Variants in LRRC8D observed in about 807,000 individuals in gnomAD.
LRRC8D encodes volume-regulated anion channel subunit LRRC8D.
Under a neutral mutation model 55.8 loss-of-function variants are expected in LRRC8D, and 20 were observed. The ratio of observed to expected loss-of-function variants is 0.36; its 90% CI spans 0.25 to 0.52. LRRC8D has a LOEUF of 0.52. Ranked by LOEUF, LRRC8D falls within the 20% of genes least tolerant of loss-of-function variation. The pLI is 0.93. For synonymous variants in LRRC8D, 352 were observed against 377.0 expected (o/e 0.93, Z 0.77); for missense variants, 651 against 1,030.8 (o/e 0.63, Z 5.05).
At chr1:89,884,704 T>G (rs976704178) in intron 2 of LRRC8D, among the ~76,000 whole-genome samples, 1 of 152,176 alleles carries the variant, frequency 6.6e-6, no homozygotes, top group African/African-American at 2.4e-5. Context: ...GAATTATAAT[T>G]CCTCTCAGAC....
chr1:89,933,991 A>G lies in LRRC8D; in HGVS notation c.923A>G (p.Tyr308Cys), dbSNP rs917494992. 2 of 1,614,164 alleles carry G rather than the reference A, an allele frequency of 1.2e-6. No individual in the cohort carries two copies. Among genetic ancestry groups the G allele is most frequent in the Non-Finnish European group, 1.7e-6 (2 of 1,180,022 alleles). The stretch of plus-strand genomic sequence containing the variant: ...GATAGTGACTTGATCTATAAACTCT[A>G]TGTGGTCCAAACAGTTATCAAAACA... ...VEDSDLIYKL[Y>C]VVQTVIKTAK... Residue 308 changes from tyrosine to cysteine, a missense_variant, in exon 3 of 3, where the codon TAT (tyrosine) becomes TGT (cysteine). By Grantham distance (194) the Tyr-to-Cys change is radical (BLOSUM62 -2). Transcript: ENST00000337338. The surrounding 1 kb of genome is among the most constrained non-coding windows in gnomAD (Gnocchi z 7.0).
chr1:89,832,455 A>G (rs1232093207), intron 1 of LRRC8D, among the ~76,000 whole-genome samples: 1 of 152,170 alleles, frequency 6.6e-6, no homozygotes, highest in Non-Finnish European at 1.5e-5. Flanking sequence ...GTCTTTCTAG[A>G]CTGGAATAAC....
At chr1:89,850,113 T>C (rs1367791347) in intron 2 of LRRC8D, among the ~76,000 whole-genome samples, 1 of 152,218 alleles carries the variant, frequency 6.6e-6, no homozygotes, top group African/African-American at 2.4e-5. Context: ...GTGAGCCAGT[T>C]TTCCCAGCAC....
rs1181859656 is a variant in LRRC8D, at chr1:89,860,756, C to CAAAA, written c.-3+17001_-3+17004dup. Among the ~76,000 whole-genome samples the CAAAA allele has an allele frequency of 2.3e-3, 44 of 18,838 alleles. 11 individuals are homozygous for CAAAA. Among genetic ancestry groups the CAAAA allele is most frequent in the African/African-American group, 7.5e-3 (32 of 4,294 alleles). The allele number at this position is 18,838 out of a possible 152,430, so 12.4% of individuals were successfully genotyped here. A position where few individuals can be genotyped will look rare whatever the true frequency, so the allele number is the denominator to read the frequency against. ...CTGGCAACAGAGCAAGACTCTATCT[C>CAAAA]AAAAAAAAAAAAAAAAAAAAAAAAA... On this transcript the variant is annotated intron_variant, in intron 2 of 2. Transcript: ENST00000337338.
At chr1:89,910,276 G>A (rs1213577089) in intron 2 of LRRC8D, among the ~76,000 whole-genome samples, 1 of 152,170 alleles carries the variant, frequency 6.6e-6, no homozygotes, top group Non-Finnish European at 1.5e-5. Context: ...TCTCCATTCT[G>A]CCATTTCCTT....
chr1:89,830,942 G>A (rs1660871168), intron 1 of LRRC8D, among the ~76,000 whole-genome samples: 1 of 135,102 alleles, frequency 7.4e-6, no homozygotes, highest in African/African-American at 2.8e-5. Flanking sequence ...GTCTCACTCT[G>A]TGGCCCAGGC....
intron 2 of LRRC8D, among the ~76,000 whole-genome samples, chr1:89,901,539 T>C (rs1024667550): frequency 1.3e-5 from 2 of 152,174 alleles, no homozygotes; most frequent in Non-Finnish European, 2.9e-5. Flanking sequence ...TCCTTCATAC[T>C]TCCCTTTCCA....
intron 2 of LRRC8D, among the ~76,000 whole-genome samples, chr1:89,889,892 CAT>C (rs1662520280): frequency 6.9e-6 from 1 of 144,752 alleles, no homozygotes; most frequent in South Asian, 2.2e-4. Flanking sequence ...GAAAAAAAAA[CAT>C]AAAATAAAAT....
chr1:89,878,398 A>G (rs1489135271), intron 2 of LRRC8D, among the ~76,000 whole-genome samples: 1 of 152,244 alleles, frequency 6.6e-6, no homozygotes, highest in Non-Finnish European at 1.5e-5. Flanking sequence ...ACATAATATG[A>G]GAAGAAAGCC....
At chr1:89,831,517 A>T (rs1373703324) in intron 1 of LRRC8D, among the ~76,000 whole-genome samples, 2 of 152,112 alleles carry the variant, frequency 1.3e-5, no homozygotes, top group South Asian at 4.1e-4. Context: ...GAGTAAAGAG[A>T]TCATCTACCC....
At chr1:89,888,641 G>A (rs1662484497) in intron 2 of LRRC8D, among the ~76,000 whole-genome samples, 1 of 152,154 alleles carries the variant, frequency 6.6e-6, no homozygotes. Flanking sequence ...AGGTCTCCTG[G>A]CCGAATGACA....
chr1:89,821,565 G>C (rs1295881687), intron 1 of LRRC8D, among the ~76,000 whole-genome samples: 3 of 152,164 alleles, frequency 2.0e-5, no homozygotes, highest in Non-Finnish European at 2.9e-5. Flanking sequence ...CCGGCCCTGC[G>C]GGAGGGGAGT....
chr1:89,901,957 C>G (rs1330721367), intron 2 of LRRC8D, among the ~76,000 whole-genome samples: 3 of 152,208 alleles, frequency 2.0e-5, no homozygotes, highest in African/African-American at 7.2e-5. Flanking sequence ...CTTTGCTCTA[C>G]CCTTTTCTCT....
At chr1:89,910,081 A>G (rs1015885787) in intron 2 of LRRC8D, among the ~76,000 whole-genome samples, 1 of 152,230 alleles carries the variant, frequency 6.6e-6, no homozygotes. Context: ...TTATGGTTAC[A>G]CTTTAATGAA....
intron 2 of LRRC8D, among the ~76,000 whole-genome samples, chr1:89,890,223 AG>A (rs1662542639): frequency 6.6e-6 from 1 of 152,102 alleles, no homozygotes; most frequent in Admixed American, 6.5e-5. Context: ...AAAAGCCTTG[AG>A]GATTCCAAAA....
rs748954111 is a variant in LRRC8D, at chr1:89,884,619, CCA to C, written c.-3+40838_-3+40839del. ...AGTTAGACAAACATGGGTTCAAACCCCAACTCTAGAAGCAGGGTGACCTTTAG... is the reference window on the plus strand; with the variant it reads ...AGTTAGACAAACATGGGTTCAAACCCACTCTAGAAGCAGGGTGACCTTTAG... On this transcript the variant is annotated intron_variant, in intron 2 of 2. Transcript: ENST00000337338. Among the ~76,000 whole-genome samples, 15 of 152,270 alleles carry C rather than the reference CCA, an allele frequency of 9.9e-5. 1 individual carries two copies. Among genetic ancestry groups the C allele is most frequent in the Admixed American group, 3.9e-4 (6 of 15,296 alleles).
rs150394555 is a variant in LRRC8D, at chr1:89,837,772, C to T, written c.-147-5866C>T. The stretch of plus-strand genomic sequence containing the variant: ...TCTGGAGTTTTCAGGTACTCCGTTT[C>T]TCTTTCGTGCTATTTGCCTTGGCTA... On this transcript the variant is annotated intron_variant, in intron 1 of 2. Coordinates refer to ENST00000337338, the MANE Select transcript of LRRC8D (RefSeq NM_001134479.2). Among the ~76,000 whole-genome samples the T allele has an allele frequency of 2.4e-4, 36 of 152,310 alleles. No homozygotes were observed. The East Asian group carries it at 6.2e-3, about 26-fold the overall frequency.
At chr1:89,881,210 A>G (rs1662274355) in intron 2 of LRRC8D, among the ~76,000 whole-genome samples, 1 of 151,930 alleles carries the variant, frequency 6.6e-6, no homozygotes, top group South Asian at 2.1e-4. Context: ...GACATTTTTC[A>G]TCCAGTCATC....
chr1:89,852,240 A>G (rs1419284057), intron 2 of LRRC8D, among the ~76,000 whole-genome samples: 3 of 152,226 alleles, frequency 2.0e-5, no homozygotes, highest in African/African-American at 4.8e-5. Flanking sequence ...GAGTTTGATT[A>G]TAACAGCCCT....
Sources: allele counts gnomAD v4.1 joint callset (sites outside exome capture counted in the v4.1 genomes callset), GRCh38; gene constraint gnomAD v4.1.1; non-coding constraint Gnocchi (gnomAD v3.1); transcripts MANE v1.5; gene names NCBI Gene and HGNC (gene_info 2026-07-23, HGNC 2026-07-21).